Variants in GREB1L observed in about 807,000 individuals in gnomAD.
GREB1L encodes the protein GREB1-like protein.
GREB1L carries 17 observed loss-of-function variants against 200.8 expected under a neutral mutation model. That is an observed-to-expected ratio of 0.08 (90% confidence interval 0.06 to 0.13). GREB1L has a LOEUF of 0.13. GREB1L is among the 10% of genes least tolerant of loss of function. GREB1L has a pLI of 1.00. For missense variants in GREB1L, 1,657 were observed against 2,367.7 expected, an observed-to-expected ratio of 0.70 and a Z score of 6.23; for synonymous variants, 789 against 893.0, an observed-to-expected ratio of 0.88 and a Z score of 2.08.
chr18:21,271,097 G>A (rs1348217851), intron 1 of GREB1L, among the ~76,000 whole-genome samples: 2 of 152,130 alleles, frequency 1.3e-5, no homozygotes, highest in Non-Finnish European at 2.9e-5. Context: ...AAGTATGAGA[G>A]ACACATGTTC....
chr18:21,442,829 G>A (rs116245012), intron 10 of GREB1L, among the ~76,000 whole-genome samples: 1 of 150,154 alleles, frequency 6.7e-6, no homozygotes, highest in African/African-American at 2.5e-5. Flanking sequence ...CAGGTGGATA[G>A]TGTCAGAAAG....
At chr18:21,395,724 TTTTTTTTC>T (rs1207016469) in intron 5 of GREB1L, among the ~76,000 whole-genome samples, 163 bp downstream of exon 5, 3 of 152,136 alleles carry the variant, frequency 2.0e-5, no homozygotes, top group South Asian at 4.1e-4. Flanking sequence ...AACTTCTTTT[TTTTTTTTC>T]TTTTTTTCTT....
At chr18:21,440,823 A>G (rs2033859026) in intron 9 of GREB1L, among the ~76,000 whole-genome samples, 1 of 152,228 alleles carries the variant, frequency 6.6e-6, no homozygotes, top group Non-Finnish European at 1.5e-5. Flanking sequence ...AACTGTAGCC[A>G]TTTGGTATCC....
At chr18:21,431,919 C>CTTTTTTT (rs773523492) in intron 7 of GREB1L, among the ~76,000 whole-genome samples, 21 of 91,260 alleles carry the variant, frequency 2.3e-4, no homozygotes, top group Non-Finnish European at 3.0e-4. Context: ...CTTTTCTTTT[C>CTTTTTTT]TTTTTTTTTT....
Position 21,401,313 on chromosome 18 carries a change from T to A in GREB1L, c.696T>A (p.Leu232=), listed in dbSNP as rs1173630773. ...SSQGVLSKGP[L]ICWKECRSRQ... ...AGGGTGTACTGTCTAAAGGACCTCT[T>A]ATCTGCTGGAAAGGTAGTCAATTTC... Residue 232 remains leucine (L), a synonymous_variant, in exon 6 of 33, where the codon CTT becomes CTA. Transcript: ENST00000424526. 1.3e-6 allele frequency: 2 copies of A among 1,549,908 alleles called. No individual in the cohort carries two copies. Among genetic ancestry groups the A allele is most frequent in the Non-Finnish European group, 1.7e-6 (2 of 1,146,324 alleles).
At chr18:21,362,732 C>T (rs1456170175) in intron 1 of GREB1L, among the ~76,000 whole-genome samples, 2 of 152,116 alleles carry the variant, frequency 1.3e-5, no homozygotes, top group Admixed American at 1.3e-4. Context: ...CGAAATTTCC[C>T]CTTCACTGTA....
intron 1 of GREB1L, among the ~76,000 whole-genome samples, chr18:21,351,522 G>A (rs1161517665): frequency 1.3e-5 from 2 of 151,576 alleles, no homozygotes; most frequent in African/African-American, 2.4e-5. Flanking sequence ...GCAGTGAGCC[G>A]AGATCGTGCC....
intron 7 of GREB1L, among the ~76,000 whole-genome samples, chr18:21,413,425 C>T (rs1230671176): frequency 6.6e-6 from 1 of 152,188 alleles, no homozygotes; most frequent in Non-Finnish European, 1.5e-5. Context: ...ATCAAAAGTT[C>T]CTCCAGCATG....
At chr18:21,355,837 G>T (rs746974456) in intron 1 of GREB1L, among the ~76,000 whole-genome samples, 15 of 152,124 alleles carry the variant, frequency 9.9e-5, no homozygotes, top group Admixed American at 2.6e-4. Flanking sequence ...TTCTTGAAAA[G>T]ATTTTTTTCT....
intron 2 of GREB1L, among the ~76,000 whole-genome samples, chr18:21,371,486 A>G (rs1156720629): frequency 8.7e-5 from 13 of 148,790 alleles, no homozygotes; most frequent in African/African-American, 3.2e-4. Context: ...TTTTTTTTTA[A>G]AGTAAAAATG....
At chr18:21,383,848 G>T (rs1240678702) in intron 3 of GREB1L, among the ~76,000 whole-genome samples, 173 bp downstream of exon 3, 1 of 143,564 alleles carries the variant, frequency 7.0e-6, no homozygotes, top group Non-Finnish European at 1.5e-5. Context: ...GAGTAGCTGG[G>T]ATTACAGGTG....
intron 1 of GREB1L, among the ~76,000 whole-genome samples, chr18:21,329,959 G>A (rs1273841542): frequency 9.1e-6 from 1 of 109,306 alleles, no homozygotes; most frequent in Admixed American, 9.5e-5. Flanking sequence ...ACCCACAATG[G>A]TTTTTTTTTT....
At chr18:21,268,560 C>CATATATATATATATATATAT (rs370094258) in intron 1 of GREB1L, among the ~76,000 whole-genome samples, 1 of 63,520 alleles carries the variant, frequency 1.6e-5, no homozygotes, top group African/African-American at 7.5e-5. Flanking sequence ...CACACACACA[C>CATATATATATATATATATAT]ATATATATAT....
chr18:21,506,114 G>C (rs1016680674), intron 25 of GREB1L, among the ~76,000 whole-genome samples, 165 bp downstream of exon 25: 2 of 152,134 alleles, frequency 1.3e-5, no homozygotes, highest in Non-Finnish European at 2.9e-5. Context: ...ATGCATGAAG[G>C]CTGGGCGCGG....
chr18:21,442,061 AAG>A (rs907055657), intron 10 of GREB1L, among the ~76,000 whole-genome samples: 3 of 152,210 alleles, frequency 2.0e-5, no homozygotes, highest in Non-Finnish European at 4.4e-5. Context: ...GACCCTACTC[AAG>A]AGAACCAAGA....
intron 1 of GREB1L, among the ~76,000 whole-genome samples, chr18:21,287,669 A>G (rs2038379435): frequency 6.6e-6 from 1 of 152,152 alleles, no homozygotes; most frequent in Admixed American, 6.5e-5. Context: ...CCATCTTTTC[A>G]TATGGGTAGA....
At chr18:21,292,558 CTG>C (rs963176178) in intron 1 of GREB1L, among the ~76,000 whole-genome samples, 1 of 152,182 alleles carries the variant, frequency 6.6e-6, no homozygotes, top group African/African-American at 2.4e-5. Flanking sequence ...CTAATATTTT[CTG>C]TGTTTGTGGG....
At chr18:21,329,212 C>T (rs561624983) in intron 1 of GREB1L, among the ~76,000 whole-genome samples, 5 of 151,458 alleles carry the variant, frequency 3.3e-5, no homozygotes, top group African/African-American at 1.2e-4. Context: ...GTAATCCCAA[C>T]CAGTTGGGAG....
chr18:21,452,829 A>G (rs571964053), intron 14 of GREB1L, among the ~76,000 whole-genome samples: 1 of 152,226 alleles, frequency 6.6e-6, no homozygotes, highest in Admixed American at 6.5e-5. Flanking sequence ...CAGAAAAAAG[A>G]ACAGGAGAAA....
Sources: gnomAD v4.1 joint callset for allele counts (sites outside exome capture counted in the v4.1 genomes callset) on GRCh38, gnomAD v4.1.1 for gene constraint, MANE v1.5 for transcripts, NCBI Gene and HGNC (gene_info 2026-07-23, HGNC 2026-07-21) for gene names.